BCAS3: variants seen among roughly 807,000 people sequenced by gnomAD.
The protein encoded by BCAS3 is BCAS4/BCAS3 fusion.
A neutral mutation model predicts 116.1 loss-of-function variants in BCAS3; 53 were observed. The ratio of observed to expected loss-of-function variants is 0.46; its 90% confidence interval spans 0.37 to 0.57. The LOEUF is 0.57. Among genes scored for constraint, BCAS3 ranks in the 20% least tolerant of loss-of-function variants. The pLI, the probability that BCAS3 is intolerant of heterozygous loss-of-function variation, is 0.00. For synonymous variants in BCAS3, 391 were observed against 408.2 expected, an observed-to-expected ratio of 0.96 and a Z score of 0.51; for missense variants, 917 against 1,165.4, an observed-to-expected ratio of 0.79 and a Z score of 3.10.
At chr17:61,360,498 C>T (rs894462873) in intron 22 of BCAS3, among the ~76,000 whole-genome samples, 2 of 152,168 alleles carry the variant, frequency 1.3e-5, no homozygotes, top group Non-Finnish European at 2.9e-5. Context: ...ATTCTGAAAT[C>T]GGGGTGTGAG....
At chr17:60,717,985 C>T (rs2038825899) in intron 5 of BCAS3, among the ~76,000 whole-genome samples, 1 of 152,206 alleles carries the variant, frequency 6.6e-6, no homozygotes, top group Non-Finnish European at 1.5e-5. Flanking sequence ...ATTAGATTCT[C>T]ATAAGGAGCA....
intron 7 of BCAS3, among the ~76,000 whole-genome samples, chr17:60,819,462 T>C (rs1406311457): frequency 6.6e-6 from 1 of 152,206 alleles, no homozygotes; most frequent in Non-Finnish European, 1.5e-5. Context: ...ACTTTGTATA[T>C]TTTCTTGTGA....
At chr17:60,715,186 T>C (rs1228103560) in intron 5 of BCAS3, among the ~76,000 whole-genome samples, 2 of 148,104 alleles carry the variant, frequency 1.4e-5, no homozygotes, top group Admixed American at 7.0e-5. Context: ...CAGACTGGAG[T>C]GCAGTGGCAT....
chr17:60,940,449 A>G (rs1018496866), intron 13 of BCAS3, among the ~76,000 whole-genome samples: 29 of 152,170 alleles, frequency 1.9e-4, no homozygotes, highest in African/African-American at 7.0e-4. Context: ...AGACTTTGGG[A>G]CCTTTGTTTT....
Position 61,098,623 on chromosome 17 carries a change from A to G in BCAS3, c.2425+14059A>G, listed in dbSNP as rs554771817. On this transcript the variant is annotated intron_variant, in intron 22 of 23. Coordinates refer to ENST00000407086, the MANE Select transcript of BCAS3 (RefSeq NM_017679.5). This position sits in a 1 kb window ranked among gnomAD's most constrained non-coding sequence, Gnocchi z 4.2. ...ATTAAGTGGTATGCTGCAAAAAGGA[A>G]TTCGGTTAGCAGATTTTATGGCATC... is the stretch of plus-strand genomic sequence containing the variant. Among the ~76,000 whole-genome samples the G allele has an allele frequency of 5.3e-5, 8 of 152,304 alleles. No individual in the cohort carries two copies. Among genetic ancestry groups the G allele is most frequent in the African/African-American group, 1.7e-4 (7 of 41,568 alleles).
rs555569553 is a variant in BCAS3, at chr17:61,166,958, G to A, written c.2425+82394G>A. On this transcript the variant is annotated intron_variant, in intron 22 of 23. Coordinates refer to ENST00000407086, the MANE Select transcript of BCAS3 (RefSeq NM_017679.5). ...TCTCTACAACAATGTGGAGACCCAG[G>A]CTGGTCTCCAACTCCTGGGCTCAAG... Among the ~76,000 whole-genome samples the A allele has an allele frequency of 2.0e-5, 3 of 152,208 alleles. No individual in the cohort carries two copies. In the South Asian group the frequency reaches 6.2e-4, roughly 32 times the overall value.
intron 22 of BCAS3, among the ~76,000 whole-genome samples, chr17:61,225,959 C>T (rs1017943924): frequency 4.6e-5 from 7 of 152,132 alleles, no homozygotes; most frequent in South Asian, 2.1e-4. Context: ...TACTGTTTTC[C>T]GCTACAGAAT....
chr17:60,758,434 G>C (rs1340660635), intron 6 of BCAS3, among the ~76,000 whole-genome samples: 1 of 151,738 alleles, frequency 6.6e-6, no homozygotes. Flanking sequence ...TGCTAATTTT[G>C]AGTTTGGTTT....
intron 5 of BCAS3, among the ~76,000 whole-genome samples, chr17:60,730,146 A>G (rs1395986167): frequency 6.6e-6 from 1 of 152,218 alleles, no homozygotes; most frequent in African/African-American, 2.4e-5. Context: ...CTGAAGGAAC[A>G]TGTGAGTTCA....
chr17:60,768,772 T>C (rs570467582), intron 6 of BCAS3, among the ~76,000 whole-genome samples: 74 of 152,144 alleles, frequency 4.9e-4, no homozygotes, highest in Non-Finnish European at 9.3e-4. Context: ...ATTGTGCTTG[T>C]CTTTCTGCTC....
intron 7 of BCAS3, among the ~76,000 whole-genome samples, chr17:60,861,567 C>T (rs1377358238): frequency 1.2e-4 from 19 of 152,094 alleles, no homozygotes; most frequent in Non-Finnish European, 2.9e-5. Flanking sequence ...TTGTCTTGTT[C>T]TGGTTCTCAG....
Position 60,967,870 on chromosome 17 carries a change from C to T in BCAS3, c.1221+20518C>T, listed in dbSNP as rs1042244148. On this transcript the variant is annotated intron_variant, in intron 14 of 23. Coordinates refer to ENST00000407086, the MANE Select transcript of BCAS3 (RefSeq NM_017679.5). This position sits in a 1 kb window ranked among gnomAD's most constrained non-coding sequence, Gnocchi z 4.7. ...TCTTCAGTTCAGCAAATATGTTTCT[C>T]AGTTCCAAGATTTCTATATTTTTTC... Among the ~76,000 whole-genome samples the T allele has an allele frequency of 1.2e-4, 18 of 152,124 alleles. No homozygotes were observed. Among genetic ancestry groups the T allele is most frequent in the Non-Finnish European group, 2.2e-4 (15 of 68,018 alleles).
chr17:61,273,110 AT>A (rs1254394823), intron 22 of BCAS3, among the ~76,000 whole-genome samples: 174 of 141,600 alleles, frequency 1.2e-3, no homozygotes, highest in Middle Eastern at 7.1e-3. Flanking sequence ...CCTTTATTTT[AT>A]TTTTTTTTTT....
chr17:60,721,005 A>G (rs769105223), intron 5 of BCAS3, among the ~76,000 whole-genome samples: 2 of 152,178 alleles, frequency 1.3e-5, no homozygotes, highest in Admixed American at 1.3e-4. Flanking sequence ...TTTTTGCCCT[A>G]AAGCTTTTTG....
At position 60,960,649 on chromosome 17, in the gene BCAS3, C is replaced by T. The variant is rs1000693320; in HGVS notation, c.1221+13297C>T. On this transcript the variant is annotated intron_variant, in intron 14 of 23. Coordinates refer to ENST00000407086, the MANE Select transcript of BCAS3 (RefSeq NM_017679.5). The surrounding 1 kb of genome is among the most constrained non-coding windows in gnomAD (Gnocchi z 4.1). ...TACACACAGCTTAGGCCTTTAAGTG[C>T]ACATCTCTGCCCTTGGAGTCATTCA... 1.3e-4 allele frequency among the ~76,000 whole-genome samples: 20 copies of T among 152,122 alleles called. No homozygotes were observed. The highest frequency in any genetic ancestry group is 4.8e-4 in the African/African-American group (20 of 41,424).
intron 11 of BCAS3, among the ~76,000 whole-genome samples, chr17:60,905,514 A>G (rs2058142064): frequency 6.6e-6 from 1 of 152,218 alleles, no homozygotes; most frequent in African/African-American, 2.4e-5. Flanking sequence ...ACCTGGTCAT[A>G]CTGAAGTCTG....
chr17:60,977,132 C>T (rs964184649), intron 14 of BCAS3, among the ~76,000 whole-genome samples: 12 of 151,742 alleles, frequency 7.9e-5, no homozygotes, highest in African/African-American at 2.7e-4. Flanking sequence ...CCGGACAGGG[C>T]GGCTGGCCAG....
chr17:61,352,348 A>T lies in BCAS3; in HGVS notation c.2426-15979A>T, dbSNP rs2057898999. Among the ~76,000 whole-genome samples the T allele has an allele frequency of 6.6e-6, 1 of 152,188 alleles. No homozygotes were observed. On this transcript the variant is annotated intron_variant, in intron 22 of 23. Coordinates refer to ENST00000407086, the MANE Select transcript of BCAS3 (RefSeq NM_017679.5). This position sits in a 1 kb window ranked among gnomAD's most constrained non-coding sequence, Gnocchi z 4.7. ...GATAGGTTTCTTTGCACACACAAAC[A>T]CACCCTGGGCTGACTATAAATCTGC...
chr17:61,237,776 C>G (rs951212001), intron 22 of BCAS3, among the ~76,000 whole-genome samples: 9 of 152,178 alleles, frequency 5.9e-5, no homozygotes, highest in Admixed American at 5.9e-4. Flanking sequence ...CTGGACTGAC[C>G]GTAGACCCCC....
Sources: allele counts gnomAD v4.1 joint callset (sites outside exome capture counted in the v4.1 genomes callset), GRCh38; gene constraint gnomAD v4.1.1; non-coding constraint Gnocchi (gnomAD v3.1); transcripts MANE v1.5; gene names NCBI Gene and HGNC (gene_info 2026-07-23, HGNC 2026-07-21).